Variants in DENND2B observed in about 807,000 individuals in gnomAD.
DENND2B encodes the protein DENN domain containing 2B, also known as DENN domain-containing protein 2B.
In DENND2B, 32 loss-of-function variants were observed where a neutral mutation model predicts 116.0. The ratio of observed to expected loss-of-function variants is 0.28; its 90% CI spans 0.21 to 0.37. DENND2B has a LOEUF of 0.37. DENND2B is among the 10% of genes least tolerant of loss of function. DENND2B has a pLI of 1.00. For missense variants in DENND2B, 1,276 were observed against 1,477.7 expected, an observed-to-expected ratio of 0.86 and a Z score of 2.24; for synonymous variants, 588 against 583.9, an observed-to-expected ratio of 1.01 and a Z score of -0.10.
At chr11:8,824,550 G>A (rs2061896970) in intron 4 of DENND2B, among the ~76,000 whole-genome samples, 1 of 152,148 alleles carries the variant, frequency 6.6e-6, no homozygotes, top group Non-Finnish European at 1.5e-5. Flanking sequence ...TTTTATGGCT[G>A]CATAGTATTC....
intron 2 of DENND2B, among the ~76,000 whole-genome samples, chr11:8,742,815 A>G (rs2050451828): frequency 6.6e-6 from 1 of 152,122 alleles, no homozygotes; most frequent in Non-Finnish European, 1.5e-5. Context: ...CTGTAATCCC[A>G]GCACTTTGGG....
chr11:8,881,985 A>C (rs2063908355), intron 1 of DENND2B, among the ~76,000 whole-genome samples: 1 of 149,946 alleles, frequency 6.7e-6, no homozygotes, highest in South Asian at 2.2e-4. Context: ...CCTTCTCTGT[A>C]TACTCTTTAA....
intron 1 of DENND2B, among the ~76,000 whole-genome samples, chr11:8,769,021 A>G (rs1185276444): frequency 6.6e-6 from 1 of 152,056 alleles, no homozygotes; most frequent in Non-Finnish European, 1.5e-5. Context: ...TCCAGAGAAT[A>G]CTGTAGTAAT....
rs746657929 is a variant in DENND2B at position 8,707,738 on chromosome 11, G to C, written c.2430+39C>G. ...GCAGATACTCCTGTGGGAGCTGTCA[G>C]CTGGGGGACGGGGAGGGAAGCCTGC... On this transcript the variant is annotated intron_variant, in intron 12 of 19. Transcript: ENST00000313726. The surrounding 1 kb of genome is among the most constrained non-coding windows in gnomAD (Gnocchi z 4.8). 3.2e-6 allele frequency: 5 copies of C among 1,575,058 alleles called. No homozygotes were observed.
In DENND2B at chr11:8,717,877, T is replaced by C; in HGVS notation, c.1493A>G (p.Glu498Gly). 6.2e-7 allele frequency: 1 copy of C among 1,610,310 alleles called. No individual in the cohort carries two copies. The highest frequency in any genetic ancestry group is 8.5e-7 in the Non-Finnish European group (1 of 1,178,234). ...YEDIVGDLPK[E>G]NPYEDVDLKS... is the part of the protein sequence containing the mutation. ...TAAGTCCACATCCTCATATGGATTC[T>C]CCTTGGGCAGATCTCCTGCAGAGGA... is the stretch of plus-strand genomic sequence containing the variant. Residue 498 changes from glutamate to glycine, a missense_variant, in exon 5 of 20, where the codon GAG (glutamate) becomes GGG (glycine). By Grantham distance (98) the Glu-to-Gly change is moderately conservative. Around this residue, in one of 2 missense-constraint regions of DENND2B, gnomAD observed 856 missense variants for 846.6 expected, o/e 1.01. Coordinates refer to ENST00000313726, the MANE Select transcript of DENND2B (RefSeq NM_213618.2).
chr11:8,780,138 T>G (rs2058233337), intron 1 of DENND2B, among the ~76,000 whole-genome samples: 1 of 152,210 alleles, frequency 6.6e-6, no homozygotes, highest in South Asian at 2.1e-4. Flanking sequence ...CTTACAGTCA[T>G]GCATCCATTC....
chr11:8,878,420 C>T (rs185294208), intron 2 of DENND2B, among the ~76,000 whole-genome samples: 9 of 150,302 alleles, frequency 6.0e-5, no homozygotes, highest in East Asian at 2.0e-4. Flanking sequence ...GACAGAGTCT[C>T]GCTCAGTCGT....
intron 4 of DENND2B, among the ~76,000 whole-genome samples, 197 bp downstream of exon 4, chr11:8,725,876 C>T (rs1381170818): frequency 6.6e-6 from 1 of 152,196 alleles, no homozygotes; most frequent in African/African-American, 2.4e-5. Context: ...TCAGTTCATT[C>T]AAGAGCCAGG....
At chr11:8,724,564 C>CA (rs1247267245) in intron 4 of DENND2B, among the ~76,000 whole-genome samples, 2 of 152,084 alleles carry the variant, frequency 1.3e-5, no homozygotes, top group African/African-American at 2.4e-5. Flanking sequence ...AAATGAACGC[C>CA]AAAAAACAAA....
intron 1 of DENND2B, chr11:8,808,906 T>C (rs555530013): frequency 1.5e-4 from 19 of 130,600 alleles, no homozygotes; most frequent in African/African-American, 3.9e-4. Context: ...CTTTCTGCTA[T>C]ACCAACAGAA....
At chr11:8,863,201 T>C (rs533042479) in intron 2 of DENND2B, among the ~76,000 whole-genome samples, 1 of 150,240 alleles carries the variant, frequency 6.7e-6, no homozygotes, top group East Asian at 2.0e-4. Context: ...AATGGCCCTC[T>C]GAAACAAGAT....
chr11:8,760,973 A>G (rs34599227), intron 1 of DENND2B, among the ~76,000 whole-genome samples: 40,382 of 152,090 alleles, frequency 0.27, 6,501 homozygotes, highest in Middle Eastern at 0.43. Flanking sequence ...AACTTTTTCC[A>G]TCTCTTCACT....
At chr11:8,711,049 C>A in intron 10 of DENND2B, 73 bp downstream of exon 10, 1 of 1,570,006 alleles carries the variant, frequency 6.4e-7, no homozygotes. Flanking sequence ...AGAGCAGGCC[C>A]CACTCAGGTG....
intron 19 of DENND2B, among the ~76,000 whole-genome samples, 176 bp from the exon 20 acceptor site, chr11:8,694,306 C>T (rs965242237): frequency 6.6e-5 from 10 of 152,152 alleles, no homozygotes; most frequent in African/African-American, 2.2e-4. Context: ...ATTAGGGCAC[C>T]GGTATTAATC....
chr11:8,783,710 A>T (rs2058621020), intron 1 of DENND2B, among the ~76,000 whole-genome samples: 1 of 152,236 alleles, frequency 6.6e-6, no homozygotes, highest in Non-Finnish European at 1.5e-5. Flanking sequence ...TTCACGCAAA[A>T]AGAAAATAAG....
rs2045224649 is a variant in DENND2B, at chr11:8,717,852, T to G, written c.1518A>C (p.Leu506Phe). 6.2e-7 allele frequency: 1 copy of G among 1,613,260 alleles called. No individual in the cohort carries two copies. The highest frequency in any genetic ancestry group is 8.5e-7 in the Non-Finnish European group (1 of 1,179,592). ...PKENPYEDVD[L>F]KSRRAGRKSQ... Reference sequence around the variant, plus strand: ...ATTTTCGTCCTGCTCTTCGGCTCTTTAAGTCCACATCCTCATATGGATTCT... The same window carrying G: ...ATTTTCGTCCTGCTCTTCGGCTCTTGAAGTCCACATCCTCATATGGATTCT... The change falls in exon 5 of 20, where the codon TTA becomes TTC. Residue 506 changes from leucine (L) to phenylalanine (F), a missense_variant. Leu to Phe is a conservative substitution (Grantham distance 22). Transcript: ENST00000313726.
At chr11:8,880,641 C>T (rs1264713366) in intron 2 of DENND2B, among the ~76,000 whole-genome samples, 1 of 152,026 alleles carries the variant, frequency 6.6e-6, no homozygotes, top group Non-Finnish European at 1.5e-5. Flanking sequence ...GCTAGGAGTT[C>T]GAGGTCACAG....
intron 2 of DENND2B, among the ~76,000 whole-genome samples, chr11:8,738,021 T>C (rs773085687): frequency 9.2e-5 from 14 of 152,034 alleles, no homozygotes; most frequent in Non-Finnish European, 1.3e-4. Context: ...AGTGCTGGGA[T>C]TGCAGGCATG....
At chr11:8,731,774 C>T (rs2048169980) in intron 2 of DENND2B, among the ~76,000 whole-genome samples, 2 of 152,208 alleles carry the variant, frequency 1.3e-5, no homozygotes, top group East Asian at 3.8e-4. Flanking sequence ...ATTGGTAGCA[C>T]TTGCCAACTT....
Sources: gnomAD v4.1 joint callset for allele counts (sites outside exome capture counted in the v4.1 genomes callset) on GRCh38, gnomAD v4.1.1 for gene constraint, gnomAD v4.1.1 regional missense constraint, Gnocchi (gnomAD v3.1) non-coding constraint, MANE v1.5 for transcripts, NCBI Gene and HGNC (gene_info 2026-07-23, HGNC 2026-07-21) for gene names.